Variants in ZNF426 observed in about 807,000 individuals in gnomAD.
ZNF426 encodes CTC-543D15.7.
A neutral mutation model predicts 24.0 loss-of-function variants in ZNF426; 23 were observed. The observed-to-expected ratio is 0.96, with a 90% CI of 0.69 to 1.36. The LOEUF (loss-of-function observed/expected upper bound fraction) is 1.36, where lower values mean the gene tolerates loss of function less well. Ranked by LOEUF, ZNF426 falls within the 40% of genes most tolerant of loss-of-function variation. The pLI, the probability that ZNF426 is intolerant of heterozygous loss-of-function variation, is 0.00. For synonymous variants in ZNF426, 272 were observed against 224.6 expected (o/e 1.21, Z -1.89); for missense variants, 646 against 658.4 (o/e 0.98, Z 0.21).
chr19:9,535,417 G>A (rs2073951385), intron 3 of ZNF426, 138 bp from the exon 4 acceptor site: 1 of 583,758 alleles, frequency 1.7e-6, no homozygotes, highest in Admixed American at 2.9e-5. Context: ...GCCAGTTGCA[G>A]TGGCTCACAT....
chr19:9,538,055 T>C (rs904768087), intron 2 of ZNF426, among the ~76,000 whole-genome samples: 1 of 152,208 alleles, frequency 6.6e-6, no homozygotes, highest in African/African-American at 2.4e-5. Flanking sequence ...CAGAAAGACT[T>C]GCGGTCTACA....
chr19:9,531,754 G>C (rs193202024), intron 6 of ZNF426, among the ~76,000 whole-genome samples: 1 of 152,290 alleles, frequency 6.6e-6, no homozygotes, highest in Admixed American at 6.5e-5. Context: ...GGAGGCCGAG[G>C]CAGGCAGATC....
intron 5 of ZNF426, 105 bp from the exon 6 acceptor site, chr19:9,533,030 A>G: frequency 1.0e-6 from 1 of 953,208 alleles, no homozygotes; most frequent in East Asian, 2.4e-5. Context: ...AAGCTATTTC[A>G]AAAGGGCGAA....
Position 9,536,236 on chromosome 19 carries a change from G to A in ZNF426, c.-4C>T, listed in dbSNP as rs532686111. Reference sequence around the variant, plus strand: ...GGGACAAATCAGCAGCTGCCATCCCGCGAGGTGAGAACGTGTCAGAACCCT... The same window carrying A: ...GGGACAAATCAGCAGCTGCCATCCCACGAGGTGAGAACGTGTCAGAACCCT... On this transcript the variant is annotated 5_prime_UTR_variant, in exon 3 of 8. Transcript: ENST00000253115. The A allele has an allele frequency of 8.4e-5, 136 of 1,614,158 alleles. 1 individual carries two copies. The South Asian group carries it at 1.1e-3, about 13-fold the overall frequency.
intron 3 of ZNF426, among the ~76,000 whole-genome samples, chr19:9,535,830 T>C (rs542512186): frequency 6.8e-6 from 1 of 146,880 alleles, no homozygotes; most frequent in East Asian, 2.0e-4. Flanking sequence ...CGAGACTTTG[T>C]ATAAGAAAAA....
intron 7 of ZNF426, among the ~76,000 whole-genome samples, 173 bp downstream of exon 7, chr19:9,530,812 T>C (rs964638793): frequency 6.6e-6 from 1 of 152,196 alleles, no homozygotes; most frequent in South Asian, 2.1e-4. Flanking sequence ...TGTGGGAATG[T>C]GTGAAAGCTC....
At chr19:9,537,137 AAATAAT>A (rs1027684009) in intron 2 of ZNF426, among the ~76,000 whole-genome samples, 12 of 150,058 alleles carry the variant, frequency 8.0e-5, no homozygotes, top group African/African-American at 1.5e-4. Context: ...CTCAAAAAAA[AAATAAT>A]AATAATAATA....
rs2073786037 is a variant in ZNF426, at chr19:9,525,742, C to T, written c.*2638G>A. 6.6e-6 allele frequency: 1 copy of T among 152,094 alleles called. No individual in the cohort carries two copies. Among genetic ancestry groups the T allele is most frequent in the Admixed American group, 6.6e-5 (1 of 15,254 alleles). 9.4% of individuals were successfully genotyped at this position (152,094 alleles called of 1,614,324 possible). A position where few individuals can be genotyped will look rare whatever the true frequency, so the allele number is the denominator to read the frequency against. On this transcript the variant is annotated 3_prime_UTR_variant, in exon 8 of 8. Coordinates refer to ENST00000253115, the MANE Select transcript of ZNF426 (RefSeq NM_024106.3). Reference sequence around the variant, plus strand: ...GACCTCATGATCCACCCACCTCTGCCTCCCAAAGTGCTGGGATTACAGGGT... The same window carrying T: ...GACCTCATGATCCACCCACCTCTGCTTCCCAAAGTGCTGGGATTACAGGGT...
At chr19:9,533,775 G>A in intron 5 of ZNF426, 65 bp downstream of exon 5, 2 of 1,601,904 alleles carry the variant, frequency 1.2e-6, no homozygotes, top group Middle Eastern at 1.7e-4. Context: ...TGCCAATGCT[G>A]CAAAACAGTA....
At chr19:9,534,436 A>G (rs2073934559) in intron 4 of ZNF426, among the ~76,000 whole-genome samples, 1 of 151,914 alleles carries the variant, frequency 6.6e-6, no homozygotes, top group Non-Finnish European at 1.5e-5. Context: ...CGAACTCCTG[A>G]CCTCATGATC....
chr19:9,533,164 G>A (rs1296944542), intron 5 of ZNF426, among the ~76,000 whole-genome samples: 1 of 152,204 alleles, frequency 6.6e-6, no homozygotes, highest in East Asian at 1.9e-4. Flanking sequence ...ACAAAATAAT[G>A]GCCGAGTGTG....
rs886801421 is a variant in ZNF426 at position 9,524,747 on chromosome 19, C to A, written c.*3633G>T. The A allele has an allele frequency of 7.3e-6, 1 of 137,918 alleles. No individual in the cohort carries two copies. The highest frequency in any genetic ancestry group is 2.7e-5 in the African/African-American group (1 of 37,250). The allele number at this position is 137,918 out of a possible 1,614,324, so 8.5% of individuals were successfully genotyped here. A position where few individuals can be genotyped will look rare whatever the true frequency, so the allele number is the denominator to read the frequency against. On this transcript the variant is annotated 3_prime_UTR_variant, in exon 8 of 8. Coordinates refer to ENST00000253115, the MANE Select transcript of ZNF426 (RefSeq NM_024106.3). ...AGTGAGCCAAGATTGAGCCATTGCA[C>A]TCCAGCCTGGGCAACAAGAGCAAAA...
Position 9,528,805 on chromosome 19 carries a change from G to A in ZNF426, c.1240C>T (p.His414Tyr). 1.1e-5 allele frequency: 18 copies of A among 1,614,098 alleles called. No homozygotes were observed. Among genetic ancestry groups the A allele is most frequent in the Non-Finnish European group, 1.5e-5 (18 of 1,180,038 alleles). The change falls in exon 8 of 8, where the codon CAC (histidine) becomes TAC (tyrosine). Residue 414 changes from histidine to tyrosine, a missense_variant. His to Tyr is a moderately conservative substitution (Grantham distance 83, BLOSUM62 2). Transcript: ENST00000253115. Reference sequence around the variant, plus strand: ...CACTCACAGGCCTTCTCTTCAGTGTGAGTTCTCAAATGTCCACTAAGATTT... The same window carrying A: ...CACTCACAGGCCTTCTCTTCAGTGTAAGTTCTCAAATGTCCACTAAGATTT... ...SSNLSGHLRTHTEEKACECKI... is the reference protein window; with the variant it reads ...SSNLSGHLRTYTEEKACECKI...
Position 9,525,019 on chromosome 19 carries a change from G to T in ZNF426, c.*3361C>A, listed in dbSNP as rs1599703452. The T allele has an allele frequency of 1.3e-5, 2 of 151,874 alleles. No homozygotes were observed. The highest frequency in any genetic ancestry group is 3.9e-4 in the East Asian group (2 of 5,130). 9.4% of individuals were successfully genotyped at this position (151,874 alleles called of 1,614,324 possible). On this transcript the variant is annotated 3_prime_UTR_variant, in exon 8 of 8. Coordinates refer to ENST00000253115, the MANE Select transcript of ZNF426 (RefSeq NM_024106.3). Reference sequence around the variant, plus strand: ...AATCCCAGCACTTTGGGAGGCCGAGGCGGGCGGATCACGAGGTCAGGAGAT... The same window carrying T: ...AATCCCAGCACTTTGGGAGGCCGAGTCGGGCGGATCACGAGGTCAGGAGAT...
chr19:9,534,079 C>T, intron 4 of ZNF426, 113 bp from the exon 5 acceptor site: 3 of 1,447,302 alleles, frequency 2.1e-6, no homozygotes, highest in Non-Finnish European at 2.8e-6. Flanking sequence ...GCTGCAGTGA[C>T]CAGCCCCAGG....
rs149128154 is a variant in ZNF426, at chr19:9,529,653, G to A, written c.409-17C>T. On this transcript the variant is annotated splice_polypyrimidine_tract_variant and intron_variant, in intron 7 of 7. Coordinates refer to ENST00000253115, the MANE Select transcript of ZNF426 (RefSeq NM_024106.3). ...TTTTCCTTCCTGTTGAAGGGATGAT[G>A]ATGATTTAAGGATTTTTCTCAAACA... 5.2e-5 allele frequency: 81 copies of A among 1,564,660 alleles called. 1 individual carries two copies. The East Asian group carries it at 1.3e-3, about 25-fold the overall frequency.
intron 1 of ZNF426, 102 bp from the exon 2 acceptor site, chr19:9,538,447 C>T (rs1196412401): frequency 6.6e-6 from 1 of 152,308 alleles, no homozygotes; most frequent in Non-Finnish European, 1.5e-5. Context: ...CCGACTCCTC[C>T]CGAGGAGCGA....
chr19:9,537,954 T>A (rs2073993437), intron 2 of ZNF426, among the ~76,000 whole-genome samples: 1 of 152,184 alleles, frequency 6.6e-6, no homozygotes, highest in African/African-American at 2.4e-5. Context: ...ATCCTTTCCC[T>A]CTGGAGGTCT....
chr19:9,524,706 G>C lies in ZNF426; in HGVS notation c.*3674C>G, dbSNP rs1318350695. On this transcript the variant is annotated 3_prime_UTR_variant, in exon 8 of 8. Coordinates refer to ENST00000253115, the MANE Select transcript of ZNF426 (RefSeq NM_024106.3). ...TGAGGCAGAATAATCACTTGAACCTGGGTGATAGAGGTTGTAGTGAGCCAA... is the reference window on the plus strand; with the variant it reads ...TGAGGCAGAATAATCACTTGAACCTCGGTGATAGAGGTTGTAGTGAGCCAA... 2 of 150,416 alleles carry C rather than the reference G, an allele frequency of 1.3e-5. No individual in the cohort carries two copies. Among genetic ancestry groups the C allele is most frequent in the East Asian group, 2.0e-4 (1 of 5,070 alleles). 9.3% of individuals were successfully genotyped at this position (150,416 alleles called of 1,614,324 possible). A position where few individuals can be genotyped will look rare whatever the true frequency, so the allele number is the denominator to read the frequency against.
Sources: gnomAD v4.1 joint callset for allele counts (sites outside exome capture counted in the v4.1 genomes callset) on GRCh38, gnomAD v4.1.1 for gene constraint, MANE v1.5 for transcripts, NCBI Gene and HGNC (gene_info 2026-07-23, HGNC 2026-07-21) for gene names.